ZDHHC20: variants seen among roughly 807,000 people sequenced by gnomAD.
The protein encoded by ZDHHC20 is palmitoyltransferase ZDHHC20.
Under a neutral mutation model 57.8 loss-of-function variants are expected in ZDHHC20, and 43 were observed. That is an observed-to-expected ratio of 0.74 (90% CI 0.58 to 0.96). The LOEUF (loss-of-function observed/expected upper bound fraction) is 0.96. Among genes scored for constraint, ZDHHC20 ranks in the 40% least tolerant of loss-of-function variants. ZDHHC20 has a pLI of 0.00. For synonymous variants in ZDHHC20, 157 were observed against 153.0 expected (o/e 1.03, Z -0.19); for missense variants, 391 against 441.1 (o/e 0.89, Z 1.02).
chr13:21,432,686 C>T (rs1442435161), intron 1 of ZDHHC20, among the ~76,000 whole-genome samples: 1 of 152,144 alleles, frequency 6.6e-6, no homozygotes, highest in African/African-American at 2.4e-5. Flanking sequence ...CCAGGCTTGT[C>T]TTGAACTCCT....
rs56681468 is a variant in ZDHHC20 at position 21,379,825 on chromosome 13, C to CTTTT, written c.1061-1091_1061-1088dup. The stretch of plus-strand genomic sequence containing the variant: ...CAGTGTGCTCTTTTTTTTCTTTTTT[C>CTTTT]TTTTTTTTTGAGATGGAATCTCGCT... On this transcript the variant is annotated intron_variant, in intron 11 of 12. Transcript: ENST00000400590. Among the ~76,000 whole-genome samples, 4 of 137,728 alleles carry CTTTT rather than the reference C, an allele frequency of 2.9e-5. 1 individual carries two copies. The highest frequency in any genetic ancestry group is 7.5e-5 in the Admixed American group (1 of 13,264). 90.4% of individuals were successfully genotyped at this position (137,728 alleles called of 152,430 possible).
intron 1 of ZDHHC20, among the ~76,000 whole-genome samples, chr13:21,447,800 T>C (rs368875016): frequency 0.18 from 9,311 of 51,986 alleles, 883 homozygotes; most frequent in Middle Eastern, 0.26. Flanking sequence ...AAGTGAGGAG[T>C]GTCTCCGCCC....
rs1454859600 is a variant in ZDHHC20 at position 21,387,543 on chromosome 13, A to G, written c.819T>C (p.Asp273=). The G allele has an allele frequency of 2.6e-6, 4 of 1,536,104 alleles. No homozygotes were observed. In the East Asian group the frequency reaches 7.3e-5, roughly 28 times the overall value. The change falls in exon 9 of 13, where the codon GAT becomes GAC. Residue 273 remains aspartate, a synonymous_variant. Coordinates refer to ENST00000400590, the MANE Select transcript of ZDHHC20 (RefSeq NM_001330059.2). ...TTGGAAGTAGCCAATATTTCTTTTCATCACCAAAGACTTGTCTCCAATTTT... is the reference window on the plus strand; with the variant it reads ...TTGGAAGTAGCCAATATTTCTTTTCGTCACCAAAGACTTGTCTCCAATTTT... The part of the protein sequence containing the change: ...CSKNWRQVFG[D]EKKYWLLPIF...
At chr13:21,438,453 G>A (rs1286170448) in intron 1 of ZDHHC20, among the ~76,000 whole-genome samples, 1 of 152,204 alleles carries the variant, frequency 6.6e-6, no homozygotes, top group Non-Finnish European at 1.5e-5. Context: ...TGCAGATGTG[G>A]TGAAAACAGC....
chr13:21,415,794 G>A (rs932684162), intron 3 of ZDHHC20, among the ~76,000 whole-genome samples: 7 of 152,096 alleles, frequency 4.6e-5, no homozygotes, highest in African/African-American at 1.7e-4. Context: ...AAATTTTACA[G>A]ATTCCTTATA....
At chr13:21,389,650 C>A (rs1875287529) in intron 8 of ZDHHC20, among the ~76,000 whole-genome samples, 1 of 152,138 alleles carries the variant, frequency 6.6e-6, no homozygotes, top group Non-Finnish European at 1.5e-5. Flanking sequence ...CCTACGGGGG[C>A]TGGGCAGGAA....
rs568815972 is a variant in ZDHHC20, at chr13:21,447,560, A to C, written c.118+11494T>G. Among the ~76,000 whole-genome samples the C allele has an allele frequency of 1.0e-4, 15 of 147,292 alleles. No homozygotes were observed. In the South Asian group the frequency reaches 3.4e-3, roughly 33 times the overall value. On this transcript the variant is annotated intron_variant, in intron 1 of 12. Transcript: ENST00000400590. The stretch of plus-strand genomic sequence containing the variant: ...TGGCCTCCCGAGGTGCCGGGATTGC[A>C]GAGGGAGTCTCGTTCACTCAGTGCT...
chr13:21,425,655 TTTC>T lies in ZDHHC20; in HGVS notation c.139_141del (p.Glu47del), dbSNP rs1881165967. 1.7e-6 allele frequency: 2 copies of T among 1,185,758 alleles called. No homozygotes were observed. Among genetic ancestry groups the T allele is most frequent in the Non-Finnish European group, 2.3e-6 (2 of 881,114 alleles). 73.5% of individuals were successfully genotyped at this position (1,185,758 alleles called of 1,614,324 possible). A position where few individuals can be genotyped will look rare whatever the true frequency, so the allele number is the denominator to read the frequency against. ...ATTGAAACTAAAAGTGCCTTACCAT[TTTC>T]TTCATTTCCAAAAATAGTAACTAGA... On this transcript the variant is annotated inframe_deletion, in exon 2 of 13. Transcript: ENST00000400590.
Position 21,387,606 on chromosome 13 carries a change from G to A in ZDHHC20, c.756C>T (p.Tyr252=), listed in dbSNP as rs1874795295. 18 of 1,488,918 alleles carry A rather than the reference G, an allele frequency of 1.2e-5. No homozygotes were observed. Among genetic ancestry groups the A allele is most frequent in the South Asian group, 5.5e-5 (4 of 72,432 alleles). The allele number at this position is 1,488,918 out of a possible 1,614,324, so 92.2% of individuals were successfully genotyped here. The change falls in exon 9 of 13, where the codon TAC becomes TAT. Residue 252 remains tyrosine, a synonymous_variant. Coordinates refer to ENST00000400590, the MANE Select transcript of ZDHHC20 (RefSeq NM_001330059.2). ...IESFRAPTFS[Y]GPDGNGFSLG... ...GAGAGAAACCATTTCCATCAGGTCC[G>A]TATGAAAACGTGGGTGCGCGGAATG...
rs757052819 is a variant in ZDHHC20, at chr13:21,374,539, T to C, written c.*2157A>G. The C allele has an allele frequency of 9.6e-5, 39 of 405,022 alleles. No homozygotes were observed. Among genetic ancestry groups the C allele is most frequent in the Middle Eastern group, 1.5e-3 (2 of 1,360 alleles). 25.1% of individuals were successfully genotyped at this position (405,022 alleles called of 1,614,324 possible). Reference sequence around the variant, plus strand: ...CATGAGCCACCACACCCAGCAATAATTGGTATCTCTTAAATCTCATTCTAG... The same window carrying C: ...CATGAGCCACCACACCCAGCAATAACTGGTATCTCTTAAATCTCATTCTAG... On this transcript the variant is annotated 3_prime_UTR_variant, in exon 13 of 13. Coordinates refer to ENST00000400590, the MANE Select transcript of ZDHHC20 (RefSeq NM_001330059.2).
chr13:21,377,366 C>T (rs1320628877), intron 12 of ZDHHC20, among the ~76,000 whole-genome samples: 2 of 128,264 alleles, frequency 1.6e-5, no homozygotes, highest in Non-Finnish European at 3.2e-5. Flanking sequence ...TGACTCTGCC[C>T]GACGTGACCT....
intron 2 of ZDHHC20, among the ~76,000 whole-genome samples, chr13:21,423,418 G>A (rs1341241378): frequency 6.6e-6 from 1 of 152,140 alleles, no homozygotes; most frequent in Non-Finnish European, 1.5e-5. Context: ...GCTCGTGCCT[G>A]TATTCCCAGC....
In ZDHHC20 at chr13:21,402,804, A is replaced by G. The variant is rs1453693360; in HGVS notation, c.433T>C (p.Cys145Arg). 6.3e-7 allele frequency: 1 copy of G among 1,596,480 alleles called. No individual in the cohort carries two copies. Among genetic ancestry groups the G allele is most frequent in the Non-Finnish European group, 8.5e-7 (1 of 1,170,996 alleles). ...KPDRAHHCSA[C>R]DSCILKMDHH... ...TGTGTGAGTAACACTTACGAGTCAC[A>G]GGCTGAGCAGTGATGCGCCCGATCA... Residue 145 changes from cysteine to arginine, a missense_variant, in exon 5 of 13, where the codon TGT becomes CGT. This residue lies in a region of ZDHHC20 where 185 missense variants were observed against 188.0 expected (regional missense o/e 0.98). Coordinates refer to ENST00000400590, the MANE Select transcript of ZDHHC20 (RefSeq NM_001330059.2).
chr13:21,429,539 G>T (rs900119915), intron 1 of ZDHHC20, among the ~76,000 whole-genome samples: 1 of 152,146 alleles, frequency 6.6e-6, no homozygotes, highest in African/African-American at 2.4e-5. Context: ...ATATTTAGTG[G>T]TCAGAAATTT....
intron 1 of ZDHHC20, among the ~76,000 whole-genome samples, chr13:21,446,094 G>C: frequency 6.6e-6 from 1 of 152,236 alleles, no homozygotes; most frequent in East Asian, 1.9e-4. Context: ...GCAGGCCACA[G>C]CATCTAGAGC....
intron 6 of ZDHHC20, among the ~76,000 whole-genome samples, chr13:21,401,075 C>T (rs1295362562): frequency 6.6e-6 from 1 of 151,912 alleles, no homozygotes; most frequent in Non-Finnish European, 1.5e-5. Context: ...CCCAGGAGTG[C>T]AAGACCAGCA....
At chr13:21,386,261 T>C (rs1399592154) in intron 9 of ZDHHC20, among the ~76,000 whole-genome samples, 2 of 152,192 alleles carry the variant, frequency 1.3e-5, no homozygotes, top group South Asian at 2.1e-4. Context: ...ACATGTGTAA[T>C]TGGAGTCCTC....
intron 1 of ZDHHC20, among the ~76,000 whole-genome samples, chr13:21,429,138 C>T (rs1319125198): frequency 6.6e-6 from 1 of 152,108 alleles, no homozygotes; most frequent in African/African-American, 2.4e-5. Context: ...CTCACTTTAT[C>T]AGTATACTTG....
Position 21,382,900 on chromosome 13 carries a change from C to T in ZDHHC20, c.944+20G>A. ...TTGCTTTATGATGAATATAGAAAAGCATAAGGACAATAAGCATACCTTCTG... is the reference window on the plus strand; with the variant it reads ...TTGCTTTATGATGAATATAGAAAAGTATAAGGACAATAAGCATACCTTCTG... On this transcript the variant is annotated intron_variant, in intron 10 of 12. Transcript: ENST00000400590. 6.5e-7 allele frequency: 1 copy of T among 1,543,988 alleles called. No homozygotes were observed. The highest frequency in any genetic ancestry group is 8.8e-7 in the Non-Finnish European group (1 of 1,139,336).
Sources: gnomAD v4.1 joint callset for allele counts (sites outside exome capture counted in the v4.1 genomes callset) on GRCh38, gnomAD v4.1.1 for gene constraint, gnomAD v4.1.1 regional missense constraint, MANE v1.5 for transcripts, NCBI Gene and HGNC (gene_info 2026-07-23, HGNC 2026-07-21) for gene names.